Variants in SLC35A3 observed in about 807,000 individuals in gnomAD.
SLC35A3 encodes the protein solute carrier family 35 member A3.
SLC35A3 carries 26 observed loss-of-function variants against 39.0 expected under a neutral mutation model. That is an observed-to-expected ratio of 0.67 (90% CI 0.49 to 0.92). The LOEUF is 0.92. Ranked by LOEUF, SLC35A3 falls within the 40% of genes least tolerant of loss-of-function variation. The pLI, the probability that SLC35A3 is intolerant of heterozygous loss-of-function variation, is 0.00. For synonymous variants in SLC35A3, 135 were observed against 133.1 expected (o/e 1.01, Z -0.10); for missense variants, 299 against 371.6 (o/e 0.80, Z 1.61).
At chr1:100,014,805 A>G (rs952067278) in intron 5 of SLC35A3, among the ~76,000 whole-genome samples, 30 of 152,246 alleles carry the variant, frequency 2.0e-4, no homozygotes, top group Non-Finnish European at 4.0e-4. Context: ...TCTTGTAGTC[A>G]TAATATAGTA....
chr1:99,991,482 A>G (rs527891504), intron 1 of SLC35A3, among the ~76,000 whole-genome samples: 38 of 152,270 alleles, frequency 2.5e-4, no homozygotes, highest in African/African-American at 8.9e-4. Flanking sequence ...TAAGTCTGGA[A>G]GTTTGGTAGC....
rs1381618258 is a variant in SLC35A3, at chr1:100,022,715, G to A, written c.*239G>A. 1 of 310,302 alleles carries A rather than the reference G, an allele frequency of 3.2e-6. No individual in the cohort carries two copies. Among genetic ancestry groups the A allele is most frequent in the East Asian group, 5.2e-5 (1 of 19,178 alleles). The allele number at this position is 310,302 out of a possible 1,614,324, so 19.2% of individuals were successfully genotyped here. On this transcript the variant is annotated 3_prime_UTR_variant, in exon 8 of 8. Transcript: ENST00000533028. ...TTAGAAGGAATATTAGAGGAAACTT[G>A]AAATCTGAGTTTAAAAAGATTTTAC...
At chr1:99,997,410 T>TTATATATATATATATATATATATATATA (rs71970416) in intron 2 of SLC35A3, among the ~76,000 whole-genome samples, 1 of 92,104 alleles carries the variant, frequency 1.1e-5, no homozygotes, top group Non-Finnish European at 2.0e-5. Context: ...ATATATAGTT[T>TTATATATATATATATATATATATATATA]TATATATATA....
intron 3 of SLC35A3, among the ~76,000 whole-genome samples, chr1:100,003,239 A>G (rs994406277): frequency 6.6e-6 from 1 of 151,932 alleles, no homozygotes; most frequent in African/African-American, 2.4e-5. Flanking sequence ...AACATGGTGA[A>G]ACACTGTCTC....
At chr1:99,998,611 A>G (rs781777407) in intron 2 of SLC35A3, among the ~76,000 whole-genome samples, 1 of 152,196 alleles carries the variant, frequency 6.6e-6, no homozygotes, top group Non-Finnish European at 1.5e-5. Flanking sequence ...GGTTGCCACA[A>G]ACTTTCAATT....
Position 100,024,321 on chromosome 1 carries a change from G to A in SLC35A3, c.*1845G>A, listed in dbSNP as rs1660743456. ...TAATCCCAGCACTTTGGGAGGCCGA[G>A]GCGGGTGGATCACAAGGTCAGGAAT... On this transcript the variant is annotated 3_prime_UTR_variant, in exon 8 of 8. Transcript: ENST00000533028. 6.6e-6 allele frequency: 1 copy of A among 152,140 alleles called. No individual in the cohort carries two copies. The highest frequency in any genetic ancestry group is 6.5e-5 in the Admixed American group (1 of 15,276). The allele number at this position is 152,140 out of a possible 1,614,324, so 9.4% of individuals were successfully genotyped here.
Position 99,997,410 on chromosome 1 carries a change from T to TATATATA in SLC35A3, c.188-1851_188-1850insATATATA, listed in dbSNP as rs1658469252. On this transcript the variant is annotated intron_variant, in intron 2 of 7. Transcript: ENST00000533028. ...ACAGTTATATGTTTTATATATAGTTTTATATATATATATATATATATATAT... is the reference window on the plus strand; with the variant it reads ...ACAGTTATATGTTTTATATATAGTTTATATATATATATATATATATATATATATATAT... 1.4e-3 allele frequency among the ~76,000 whole-genome samples: 133 copies of TATATATA among 92,080 alleles called. 10 individuals carry two copies. Among genetic ancestry groups the TATATATA allele is most frequent in the South Asian group, 3.0e-3 (6 of 2,016 alleles). The allele number at this position is 92,080 out of a possible 152,430, so 60.4% of individuals were successfully genotyped here.
intron 4 of SLC35A3, 111 bp from the exon 5 acceptor site, chr1:100,011,254 A>C (rs186395814): frequency 1.2e-3 from 582 of 467,140 alleles, no homozygotes; most frequent in African/African-American, 0.011. Flanking sequence ...TTGCAGTCCC[A>C]AAAATGATAT....
intron 5 of SLC35A3, among the ~76,000 whole-genome samples, chr1:100,014,587 A>G (rs1244228258): frequency 1.3e-5 from 2 of 152,172 alleles, no homozygotes; most frequent in South Asian, 2.1e-4. Flanking sequence ...GTATGTATCA[A>G]TGTGAATATA....
At chr1:100,002,510 G>A (rs893599825) in intron 3 of SLC35A3, among the ~76,000 whole-genome samples, 68 of 152,078 alleles carry the variant, frequency 4.5e-4, no homozygotes, top group African/African-American at 1.6e-3. Context: ...AGTCTAGTTT[G>A]TAGTTTATTG....
rs563433540 is a variant in SLC35A3 at position 100,032,938 on chromosome 1, T to C, written c.*10462T>C. 2 of 152,360 alleles carry C rather than the reference T, an allele frequency of 1.3e-5. No homozygotes were observed. The highest frequency in any genetic ancestry group is 3.9e-4 in the East Asian group (2 of 5,188). The allele number at this position is 152,360 out of a possible 1,614,324, so 9.4% of individuals were successfully genotyped here. A position where few individuals can be genotyped will look rare whatever the true frequency, so the allele number is the denominator to read the frequency against. ...TGAGGCTTACCTTATATTTGTCTTG[T>C]TCCAAATTTGGATTATCAGCTAATT... On this transcript the variant is annotated 3_prime_UTR_variant, in exon 8 of 8. Transcript: ENST00000533028.
At chr1:100,018,311 G>A (rs1455035817) in intron 7 of SLC35A3, among the ~76,000 whole-genome samples, 4 of 152,106 alleles carry the variant, frequency 2.6e-5, no homozygotes, top group Non-Finnish European at 4.4e-5. Context: ...GGAGGAGATA[G>A]CATCAGGAAA....
intron 1 of SLC35A3, among the ~76,000 whole-genome samples, chr1:99,983,411 C>T (rs1200129473): frequency 2.7e-5 from 4 of 150,658 alleles, no homozygotes; most frequent in African/African-American, 7.3e-5. Flanking sequence ...TGGTGGCGGG[C>T]GCCTGTAATC....
rs1036294438 is a variant in SLC35A3, at chr1:100,022,310, T to C, written c.888-76T>C. 9.5e-6 allele frequency: 7 copies of C among 734,556 alleles called. No individual in the cohort carries two copies. The East Asian group carries it at 1.9e-4, about 20-fold the overall frequency. The allele number at this position is 734,556 out of a possible 1,614,324, so 45.5% of individuals were successfully genotyped here. A position where few individuals can be genotyped will look rare whatever the true frequency, so the allele number is the denominator to read the frequency against. ...TTTCCCCACATTATAATTGTTTTTA[T>C]AGTAAAGAAATAGAAGGAACTTGTT... On this transcript the variant is annotated intron_variant, in intron 7 of 7. Coordinates refer to ENST00000533028, the MANE Select transcript of SLC35A3 (RefSeq NM_012243.3).
At chr1:99,988,505 G>A (rs1032028206) in intron 1 of SLC35A3, among the ~76,000 whole-genome samples, 1 of 151,982 alleles carries the variant, frequency 6.6e-6, no homozygotes, top group Non-Finnish European at 1.5e-5. Flanking sequence ...TACAAATATT[G>A]TTGTGAACAT....
chr1:100,005,822 CT>C (rs200521707), intron 3 of SLC35A3, among the ~76,000 whole-genome samples: 2,042 of 152,146 alleles, frequency 0.013, 18 homozygotes, highest in Middle Eastern at 0.059. Flanking sequence ...ATGTTGAATT[CT>C]TTTTCAGGCC....
intron 3 of SLC35A3, among the ~76,000 whole-genome samples, chr1:100,006,656 C>A (rs1659252587): frequency 6.6e-6 from 1 of 152,114 alleles, no homozygotes; most frequent in South Asian, 2.1e-4. Context: ...TGTCCTCAGG[C>A]CCCTGGATGG....
At chr1:100,002,956 G>T (rs1403172690) in intron 3 of SLC35A3, among the ~76,000 whole-genome samples, 1 of 151,646 alleles carries the variant, frequency 6.6e-6, no homozygotes, top group African/African-American at 2.4e-5. Context: ...GTTTTGGTTT[G>T]GTTTGTTCTT....
rs1661072336 is a variant in SLC35A3 at position 100,028,922 on chromosome 1, T to A, written c.*6446T>A. ...AAAACCAGCCAAAGGAAGTGACACATAAAACAGAGTCTAGGAGTGGTCCAA... is the reference window on the plus strand; with the variant it reads ...AAAACCAGCCAAAGGAAGTGACACAAAAAACAGAGTCTAGGAGTGGTCCAA... On this transcript the variant is annotated 3_prime_UTR_variant, in exon 8 of 8. Coordinates refer to ENST00000533028, the MANE Select transcript of SLC35A3 (RefSeq NM_012243.3). 1 of 152,244 alleles carries A rather than the reference T, an allele frequency of 6.6e-6. No homozygotes were observed. The highest frequency in any genetic ancestry group is 2.4e-5 in the African/African-American group (1 of 41,446). The allele number at this position is 152,244 out of a possible 1,614,324, so 9.4% of individuals were successfully genotyped here.
Sources: allele counts gnomAD v4.1 joint callset (sites outside exome capture counted in the v4.1 genomes callset), GRCh38; gene constraint gnomAD v4.1.1; transcripts MANE v1.5; gene names NCBI Gene and HGNC (gene_info 2026-07-23, HGNC 2026-07-21).